LY6S: variants seen among roughly 807,000 people sequenced by gnomAD.
LY6S encodes the protein lymphocyte antigen 6 family member S.
chr8:143,063,051 T>G, the LY6S span, among the ~76,000 whole-genome samples: 1 of 152,230 alleles, frequency 6.6e-6, no homozygotes, highest in Non-Finnish European at 1.5e-5. Flanking sequence ...ATCACCAGGC[T>G]GGAAAATCTG....
chr8:143,046,977 G>T, the LY6S span, among the ~76,000 whole-genome samples: 1 of 151,898 alleles, frequency 6.6e-6, no homozygotes, highest in Admixed American at 6.6e-5. Context: ...CTCCAGCCTG[G>T]GTGACAAGAG....
the LY6S span, among the ~76,000 whole-genome samples, chr8:143,063,606 G>A: frequency 1.3e-5 from 2 of 152,340 alleles, no homozygotes; most frequent in Non-Finnish European, 1.5e-5. Flanking sequence ...CAGTCTGCAT[G>A]TGGCAGGGCT....
the LY6S span, chr8:143,042,899 G>T: frequency 3.6e-6 from 3 of 825,546 alleles, no homozygotes; most frequent in African/African-American, 3.5e-5. Context: ...GGGGGGCATG[G>T]GCTGGAGGGC....
the LY6S span, among the ~76,000 whole-genome samples, chr8:143,056,447 T>C: frequency 1.3e-5 from 2 of 152,062 alleles, no homozygotes; most frequent in Non-Finnish European, 2.9e-5. Flanking sequence ...TTATAGCAAA[T>C]TGAAAATTCT....
chr8:143,052,609 G>A, the LY6S span, among the ~76,000 whole-genome samples: 1 of 152,178 alleles, frequency 6.6e-6, no homozygotes, highest in Non-Finnish European at 1.5e-5. Flanking sequence ...AACAGAGAAA[G>A]CTACAGAAGT....
the LY6S span, among the ~76,000 whole-genome samples, chr8:143,048,378 G>C: frequency 6.6e-6 from 1 of 152,090 alleles, no homozygotes; most frequent in African/African-American, 2.4e-5. Context: ...TTCAGACACA[G>C]CCCGTTTGCT....
the LY6S span, among the ~76,000 whole-genome samples, chr8:143,068,082 G>T: frequency 6.6e-6 from 1 of 152,138 alleles, no homozygotes; most frequent in African/African-American, 2.4e-5. Context: ...TTCCCACAAG[G>T]CCATATCTCA....
the LY6S span, among the ~76,000 whole-genome samples, chr8:143,070,476 A>AT: frequency 0.63 from 48,300 of 76,678 alleles, 16,257 homozygotes; most frequent in East Asian, 0.72. Flanking sequence ...TATATATATA[A>AT]ATATATATAT....
the LY6S span, among the ~76,000 whole-genome samples, chr8:143,070,439 A>T: frequency 2.5e-4 from 19 of 76,950 alleles, no homozygotes; most frequent in African/African-American, 1.5e-3. Context: ...TATATTATAT[A>T]TATATTGTAT....
chr8:143,059,332 A>C, the LY6S span, among the ~76,000 whole-genome samples: 1 of 152,138 alleles, frequency 6.6e-6, no homozygotes, highest in Non-Finnish European at 1.5e-5. Flanking sequence ...TTATGGTTTT[A>C]AGTCCTACAT....
At chr8:143,073,892 G>A in the LY6S span, among the ~76,000 whole-genome samples, 5 of 102,568 alleles carry the variant, frequency 4.9e-5, no homozygotes, top group East Asian at 4.2e-4. Context: ...CCTGTTTGAG[G>A]AGACAGCCAT....
At chr8:143,045,619 C>T in the LY6S span, among the ~76,000 whole-genome samples, 1 of 152,130 alleles carries the variant, frequency 6.6e-6, no homozygotes, top group Non-Finnish European at 1.5e-5. The surrounding 1 kb of genome is among the most constrained non-coding windows in gnomAD (Gnocchi z 5.3). Context: ...AGCGCCCCCA[C>T]CCAGGACCCT....
At chr8:143,069,233 A>G in the LY6S span, among the ~76,000 whole-genome samples, 13 of 152,254 alleles carry the variant, frequency 8.5e-5, no homozygotes, top group Non-Finnish European at 1.9e-4. Flanking sequence ...ACGCTTCCGC[A>G]GTGAGGGCTT....
the LY6S span, among the ~76,000 whole-genome samples, chr8:143,074,505 TTAATA>T: frequency 2.7e-3 from 414 of 152,290 alleles, no homozygotes; most frequent in Non-Finnish European, 4.2e-3. Flanking sequence ...TATTAATTGG[TTAATA>T]TAATAAACAC....
the LY6S span, among the ~76,000 whole-genome samples, chr8:143,073,515 G>C: frequency 1.9e-4 from 24 of 129,128 alleles, no homozygotes; most frequent in East Asian, 5.9e-4. Context: ...GCTCCTGTTT[G>C]AGAAGACAGC....
the LY6S span, among the ~76,000 whole-genome samples, chr8:143,055,849 T>A: frequency 4.5e-3 from 689 of 152,280 alleles, 4 homozygotes; most frequent in African/African-American, 0.016. Context: ...AAATGGCTGC[T>A]TAGACGACGC....
At chr8:143,050,144 C>T in the LY6S span, among the ~76,000 whole-genome samples, 4 of 151,276 alleles carry the variant, frequency 2.6e-5, no homozygotes, top group Non-Finnish European at 2.9e-5. Flanking sequence ...TTGCAGCCAT[C>T]GCCATTCTAG....
the LY6S span, among the ~76,000 whole-genome samples, chr8:143,061,856 A>G: frequency 6.6e-6 from 1 of 152,164 alleles, no homozygotes; most frequent in South Asian, 2.1e-4. Flanking sequence ...GTATTTCAAT[A>G]CGAATCTTTA....
At chr8:143,075,372 C>T in the LY6S span, among the ~76,000 whole-genome samples, 1 of 152,194 alleles carries the variant, frequency 6.6e-6, no homozygotes, top group Non-Finnish European at 1.5e-5. The surrounding 1 kb of genome is among the most constrained non-coding windows in gnomAD (Gnocchi z 4.1). Flanking sequence ...CTCCCTCCTA[C>T]TCACCAAATA....
Sources: gnomAD v4.1 joint callset for allele counts (sites outside exome capture counted in the v4.1 genomes callset) on GRCh38, gnomAD v4.1.1 for gene constraint, Gnocchi (gnomAD v3.1) non-coding constraint, MANE v1.5 for transcripts, NCBI Gene and HGNC (gene_info 2026-07-23, HGNC 2026-07-21) for gene names.